The following SPTB variants were observed in gnomAD, a reference collection of about 807,000 sequenced individuals.
SPTB encodes spectrin beta, erythrocytic, also known as spectrin beta chain, erythrocytic.
SPTB carries 45 observed loss-of-function variants against 256.2 expected under a neutral mutation model. The observed-to-expected ratio is 0.18, with a 90% confidence interval of 0.14 to 0.23. SPTB has a LOEUF of 0.23. Ranked by LOEUF, SPTB falls within the 10% of genes least tolerant of loss-of-function variation. The pLI, the probability that SPTB is intolerant of heterozygous loss-of-function variation, is 1.00. For synonymous variants in SPTB, 1,231 were observed against 1,243.1 expected (o/e 0.99, Z 0.21); for missense variants, 2,715 against 3,040.4 (o/e 0.89, Z 2.52).
chr14:64,796,734 G>A lies in SPTB; in HGVS notation c.1183-19C>T. 1 of 1,614,090 alleles carries A rather than the reference G, an allele frequency of 6.2e-7. No individual in the cohort carries two copies. The highest frequency in any genetic ancestry group is 8.5e-7 in the Non-Finnish European group (1 of 1,180,036). Reference sequence around the variant, plus strand: ...CCCAGGCCTGCACAAAGGATGGAATGAGAATTCTTGGGGCACAGGAGAAAT... The same window carrying A: ...CCCAGGCCTGCACAAAGGATGGAATAAGAATTCTTGGGGCACAGGAGAAAT... On this transcript the variant is annotated intron_variant, in intron 10 of 35. Transcript: ENST00000644917. The surrounding 1 kb of genome is among the most constrained non-coding windows in gnomAD (Gnocchi z 4.1).
At chr14:64,787,247 T>C in intron 15 of SPTB, 87 bp from the exon 16 acceptor site, 1 of 1,546,888 alleles carries the variant, frequency 6.5e-7, no homozygotes, top group Non-Finnish European at 8.8e-7. Flanking sequence ...CCTTCCCACA[T>C]TTCCCACAAG....
At chr14:64,788,499 C>A (rs1594777323) in intron 15 of SPTB, among the ~76,000 whole-genome samples, 1 of 152,286 alleles carries the variant, frequency 6.6e-6, no homozygotes, top group East Asian at 1.9e-4. Context: ...ACCATGAAGA[C>A]CCCGTGCTCT....
At chr14:64,763,714 G>GT (rs1566738880) in intron 32 of SPTB, 1 of 518,110 alleles carries the variant, frequency 1.9e-6, no homozygotes, top group Admixed American at 1.9e-5. Context: ...TTTGTCTTTC[G>GT]TGAGTGAGGT....
intron 33 of SPTB, 108 bp from the exon 34 acceptor site, chr14:64,750,262 C>T: frequency 9.2e-7 from 1 of 1,090,366 alleles, no homozygotes; most frequent in Non-Finnish European, 1.3e-6. Flanking sequence ...TGTTCTGATA[C>T]ATAGTAACAT....
rs912875131 is a variant in SPTB, at chr14:64,772,515, G to C, written c.5553+65C>G. 15 of 1,589,332 alleles carry C rather than the reference G, an allele frequency of 9.4e-6. No individual in the cohort carries two copies. In the African/African-American group the frequency reaches 2.0e-4, roughly 21 times the overall value. ...TAGAGGTTTTCCTGCTGACAGCCAG[G>C]TGGGGACTGACACCCAGGGCTCCTG... On this transcript the variant is annotated intron_variant, in intron 26 of 35. Transcript: ENST00000644917. The surrounding 1 kb of genome is among the most constrained non-coding windows in gnomAD (Gnocchi z 5.4).
chr14:64,822,631 T>C (rs1369915455), intron 2 of SPTB, among the ~76,000 whole-genome samples: 4 of 152,062 alleles, frequency 2.6e-5, no homozygotes, highest in Admixed American at 6.5e-5. Context: ...CGCCCGGCTG[T>C]CCAGCCCTCA....
rs576152420 is a variant in SPTB at position 64,827,080 on chromosome 14, G to A, written c.-51-3935C>T. On this transcript the variant is annotated intron_variant, in intron 1 of 35. Coordinates refer to ENST00000644917, the MANE Select transcript of SPTB (RefSeq NM_001355436.2). This position sits in a 1 kb window ranked among gnomAD's most constrained non-coding sequence, Gnocchi z 4.6. ...CTATGTCCAGTTACTCCCTGGGTTG[G>A]TTAAGAACTGAGAAAGCAGTGGTAG... Among the ~76,000 whole-genome samples, 16 of 152,282 alleles carry A rather than the reference G, an allele frequency of 1.1e-4. No individual in the cohort carries two copies. The highest frequency in any genetic ancestry group is 3.1e-4 in the African/African-American group (13 of 41,556).
Position 64,782,388 on chromosome 14 carries a change from C to T in SPTB, c.4168G>A (p.Asp1390Asn). Residue 1390 changes from aspartate to asparagine, a missense_variant, in exon 20 of 36, where the codon GAC becomes AAC. By Grantham distance (23) the Asp-to-Asn change is conservative. Transcript: ENST00000644917. ...ATGGCGCTGATCCACTTGTTGAGGT[C>T]AGCATGGGTCTGCAAGCGCAGGTCG... ...SSDLRLQTHA[D>N]LNKWISAMED... 1.2e-6 allele frequency: 2 copies of T among 1,614,166 alleles called. No homozygotes were observed. Among genetic ancestry groups the T allele is most frequent in the Non-Finnish European group, 1.7e-6 (2 of 1,180,040 alleles).
chr14:64,868,760 A>C (rs1882344343), intron 1 of SPTB, among the ~76,000 whole-genome samples: 1 of 152,224 alleles, frequency 6.6e-6, no homozygotes, highest in South Asian at 2.1e-4. Context: ...AGGCTATTGC[A>C]TTTGACAATA....
rs898893515 is a variant in SPTB at position 64,873,851 on chromosome 14, G to GT, written c.-52+5940dup. Among the ~76,000 whole-genome samples the GT allele has an allele frequency of 3.9e-5, 6 of 152,120 alleles. No homozygotes were observed. Among genetic ancestry groups the GT allele is most frequent in the African/African-American group, 7.2e-5 (3 of 41,430 alleles). On this transcript the variant is annotated intron_variant, in intron 1 of 35. Coordinates refer to ENST00000644917, the MANE Select transcript of SPTB (RefSeq NM_001355436.2). This position sits in a 1 kb window ranked among gnomAD's most constrained non-coding sequence, Gnocchi z 4.3. ...AAATGTACATTTCTAATCCTGTTTT[G>GT]TAACTGGAAACCAGGAATAATCAGA... is the stretch of plus-strand genomic sequence containing the variant.
Position 64,790,824 on chromosome 14 carries a change from T to A in SPTB, c.2804+895A>T, listed in dbSNP as rs898561532. On this transcript the variant is annotated intron_variant, in intron 15 of 35. Transcript: ENST00000644917. This position sits in a 1 kb window ranked among gnomAD's most constrained non-coding sequence, Gnocchi z 4.8. Reference sequence around the variant, plus strand: ...GCATTTGCGGTGTCCTCAAAGATCCTCCAGGAACTCATGGGCAATTTCACC... The same window carrying A: ...GCATTTGCGGTGTCCTCAAAGATCCACCAGGAACTCATGGGCAATTTCACC... Among the ~76,000 whole-genome samples, 1 of 152,148 alleles carries A rather than the reference T, an allele frequency of 6.6e-6. No individual in the cohort carries two copies. The highest frequency in any genetic ancestry group is 6.5e-5 in the Admixed American group (1 of 15,274).
At position 64,773,524 on chromosome 14, in the gene SPTB, G is replaced by C. The variant is rs1419178243; in HGVS notation, c.4974-100C>G. ...TATGCCAACCACAGCCCCCTGGCAG[G>C]GATAGGTAGGGAGTGAAGCTCTGGA... On this transcript the variant is annotated intron_variant, in intron 24 of 35. Coordinates refer to ENST00000644917, the MANE Select transcript of SPTB (RefSeq NM_001355436.2). 5.6e-6 allele frequency: 7 copies of C among 1,244,742 alleles called. No individual in the cohort carries two copies. The African/African-American group carries it at 8.8e-5, about 16-fold the overall frequency. The allele number at this position is 1,244,742 out of a possible 1,614,324, so 77.1% of individuals were successfully genotyped here.
Position 64,753,631 on chromosome 14 carries a change from G to A in SPTB, c.6508C>T (p.Pro2170Ser). 3 of 1,613,672 alleles carry A rather than the reference G, an allele frequency of 1.9e-6. No homozygotes were observed. The highest frequency in any genetic ancestry group is 2.5e-6 in the Non-Finnish European group (3 of 1,180,026). ...CTCTGCCCATGGTCCCGCGGGGCCG[G>A]CAGCGTTGCGGGCTCATCACCCTCG... ...LSEGDEPATL[P>S]APRDHGQSVQ... Residue 2170 changes from proline to serine, a missense_variant, in exon 33 of 36, where the codon CCG (proline) becomes TCG (serine). Physicochemically the swap from Pro to Ser is moderately conservative, Grantham distance 74. Transcript: ENST00000644917.
chr14:64,797,467 CAAAAAAAAAAAAAAAAAAAA>C (rs57385615), intron 10 of SPTB, among the ~76,000 whole-genome samples: 11 of 30,978 alleles, frequency 3.6e-4, no homozygotes, highest in South Asian at 2.3e-3. Flanking sequence ...ACCCTGTCTC[CAAAAAAAAAAAAAAAAAAAA>C]AAAAAAAAAA....
In SPTB at chr14:64,861,454, G is replaced by A. The variant is rs759831290; in HGVS notation, c.-52+18338C>T. On this transcript the variant is annotated intron_variant, in intron 1 of 35. Transcript: ENST00000644917. Reference sequence around the variant, plus strand: ...GTGACAGGGCTCGGCAAGTGTTCTCGAAATGATACTGTGCATCTACAGCAG... The same window carrying A: ...GTGACAGGGCTCGGCAAGTGTTCTCAAAATGATACTGTGCATCTACAGCAG... Among the ~76,000 whole-genome samples, 58 of 152,104 alleles carry A rather than the reference G, an allele frequency of 3.8e-4. 1 individual carries two copies. The highest frequency in any genetic ancestry group is 5.6e-4 in the Non-Finnish European group (38 of 68,016).
chr14:64,878,936 G>C (rs1229890850), intron 1 of SPTB, among the ~76,000 whole-genome samples: 2 of 152,196 alleles, frequency 1.3e-5, no homozygotes, highest in Admixed American at 1.3e-4. Context: ...CCTGAAGCTC[G>C]TTGTCAGGGA....
rs1423839748 is a variant in SPTB at position 64,764,827 on chromosome 14, G to A, written c.6345+1899C>T. On this transcript the variant is annotated intron_variant, in intron 32 of 35. Coordinates refer to ENST00000644917, the MANE Select transcript of SPTB (RefSeq NM_001355436.2). The surrounding 1 kb of genome is among the most constrained non-coding windows in gnomAD (Gnocchi z 4.2). The stretch of plus-strand genomic sequence containing the variant: ...CGCTCTCCTTCCGGCAGGGGCTGTT[G>A]CTGGGAAAAAGGGGCTGGGACACAG... Among the ~76,000 whole-genome samples, 1 of 152,154 alleles carries A rather than the reference G, an allele frequency of 6.6e-6. No homozygotes were observed. Among genetic ancestry groups the A allele is most frequent in the African/African-American group, 2.4e-5 (1 of 41,444 alleles).
rs2139530662 is a variant in SPTB at position 64,779,262 on chromosome 14, G to A, written c.4474-16C>T. 1 of 1,607,198 alleles carries A rather than the reference G, an allele frequency of 6.2e-7. No individual in the cohort carries two copies. The highest frequency in any genetic ancestry group is 8.5e-7 in the Non-Finnish European group (1 of 1,174,822). ...CCACCCAAAGCTGCAGAGACCAGGA[G>A]GCAGGAGAGAGCTGATGACAATCAC... On this transcript the variant is annotated splice_polypyrimidine_tract_variant and intron_variant, in intron 21 of 35. Coordinates refer to ENST00000644917, the MANE Select transcript of SPTB (RefSeq NM_001355436.2). The surrounding 1 kb of genome is among the most constrained non-coding windows in gnomAD (Gnocchi z 4.2).
chr14:64,808,473 G>T (rs578047490), intron 2 of SPTB, among the ~76,000 whole-genome samples: 1 of 152,096 alleles, frequency 6.6e-6, no homozygotes, highest in Admixed American at 6.5e-5. Context: ...ACCCTTCAAA[G>T]GTTTAGTTTC....
Sources: allele counts gnomAD v4.1 joint callset (sites outside exome capture counted in the v4.1 genomes callset), GRCh38; gene constraint gnomAD v4.1.1; non-coding constraint Gnocchi (gnomAD v3.1); transcripts MANE v1.5; gene names NCBI Gene and HGNC (gene_info 2026-07-23, HGNC 2026-07-21).